RAB27B: variants seen among roughly 807,000 people sequenced by gnomAD.
The protein encoded by RAB27B is RAB27B, member RAS oncogene family.
RAB27B carries 15 observed loss-of-function variants against 24.6 expected under a neutral mutation model. That is an observed-to-expected ratio of 0.61 (90% CI 0.41 to 0.94). The LOEUF (loss-of-function observed/expected upper bound fraction) is 0.94. RAB27B is among the 40% of genes least tolerant of loss of function. RAB27B has a pLI of 0.00. For synonymous variants in RAB27B, 105 were observed against 92.5 expected (o/e 1.14, Z -0.78); for missense variants, 261 against 266.8 (o/e 0.98, Z 0.15).
intron 2 of RAB27B, among the ~76,000 whole-genome samples, chr18:54,730,893 A>C (rs762791249): frequency 1.2e-4 from 19 of 152,182 alleles, no homozygotes; most frequent in Non-Finnish European, 1.9e-4. Context: ...AACACACTAC[A>C]TGAGTTTGTT....
intron 2 of RAB27B, among the ~76,000 whole-genome samples, chr18:54,792,713 A>G (rs572059268): frequency 2.8e-4 from 43 of 151,182 alleles, no homozygotes; most frequent in Non-Finnish European, 5.8e-4. Context: ...AGTACCTAAC[A>G]GTCTCTGGTG....
At chr18:54,807,148 G>A (rs564917244) in intron 2 of RAB27B, among the ~76,000 whole-genome samples, 1 of 152,256 alleles carries the variant, frequency 6.6e-6, no homozygotes, top group South Asian at 2.1e-4. Context: ...ATCTGCCGGC[G>A]TTGGCCTCCC....
At chr18:54,827,725 C>T (rs575626584), upstream of RAB27B, among the ~76,000 whole-genome samples, 11 of 152,144 alleles carry the variant, frequency 7.2e-5, no homozygotes, top group Non-Finnish European at 1.3e-4. Flanking sequence ...AGGAGTAAAT[C>T]GGTTGTTATT....
At chr18:54,836,240 A>T (rs1910888740) in intron 1 of RAB27B, among the ~76,000 whole-genome samples, 1 of 151,906 alleles carries the variant, frequency 6.6e-6, no homozygotes, top group African/African-American at 2.4e-5. Context: ...TTTGAAGATG[A>T]ATTTCCCTCA....
At chr18:54,768,578 C>T (rs1352412805) in intron 2 of RAB27B, among the ~76,000 whole-genome samples, 3 of 152,084 alleles carry the variant, frequency 2.0e-5, no homozygotes, top group African/African-American at 7.2e-5. Context: ...ATCTAACTCT[C>T]ATGTTTTTCT....
chr18:54,780,611 T>C (rs1014118629), intron 2 of RAB27B, among the ~76,000 whole-genome samples: 5 of 152,186 alleles, frequency 3.3e-5, no homozygotes, highest in Admixed American at 1.3e-4. Flanking sequence ...AAGGACACCA[T>C]TCGTATTGGA....
chr18:54,857,206 A>C (rs1382812690), intron 1 of RAB27B, among the ~76,000 whole-genome samples: 1 of 152,092 alleles, frequency 6.6e-6, no homozygotes, highest in Non-Finnish European at 1.5e-5. Flanking sequence ...CCACCTGGGT[A>C]CTCTGTCAGA....
chr18:54,797,103 A>G (rs1473736906), intron 2 of RAB27B, among the ~76,000 whole-genome samples: 2 of 152,222 alleles, frequency 1.3e-5, no homozygotes, highest in Non-Finnish European at 2.9e-5. Context: ...GTCCTGTGTA[A>G]GTGGGTGCAA....
chr18:54,812,099 TTC>T (rs1158764443), intron 2 of RAB27B, among the ~76,000 whole-genome samples: 7 of 152,210 alleles, frequency 4.6e-5, no homozygotes, highest in African/African-American at 1.4e-4. Flanking sequence ...TGTTGTACCT[TTC>T]TCTTGCTATT....
chr18:54,814,979 T>TCAACCCC (rs1910077751), intron 2 of RAB27B, among the ~76,000 whole-genome samples: 2 of 152,170 alleles, frequency 1.3e-5, no homozygotes, highest in African/African-American at 4.8e-5. Flanking sequence ...AACCACCATC[T>TCAACCCC]CAACCCCCAA....
intron 2 of RAB27B, among the ~76,000 whole-genome samples, chr18:54,808,981 A>G (rs78137086): frequency 0.015 from 2,290 of 152,354 alleles, 20 homozygotes; most frequent in Non-Finnish European, 0.024. Flanking sequence ...GTGTCCACAG[A>G]AGAACTTTTC....
At chr18:54,796,422 A>T in intron 2 of RAB27B, among the ~76,000 whole-genome samples, 1 of 152,194 alleles carries the variant, frequency 6.6e-6, no homozygotes, top group East Asian at 1.9e-4. Context: ...TACCAGAAAA[A>T]TCGGATCACA....
intron 2 of RAB27B, among the ~76,000 whole-genome samples, chr18:54,745,846 T>TA (rs1910226162): frequency 7.4e-6 from 1 of 135,078 alleles, no homozygotes; most frequent in Admixed American, 8.0e-5. Context: ...TTATATATTA[T>TA]TATTTATAAT....
At chr18:54,840,437 T>C (rs1284312797) in intron 1 of RAB27B, among the ~76,000 whole-genome samples, 1 of 152,154 alleles carries the variant, frequency 6.6e-6, no homozygotes, top group Non-Finnish European at 1.5e-5. Flanking sequence ...AAATCCAAAG[T>C]CATGCCTAAT....
chr18:54,818,380 G>T (rs938835070), intron 2 of RAB27B, among the ~76,000 whole-genome samples: 1 of 152,036 alleles, frequency 6.6e-6, no homozygotes, highest in Non-Finnish European at 1.5e-5. Context: ...TTCTAAAATT[G>T]TGTTCCTTTC....
intron 2 of RAB27B, among the ~76,000 whole-genome samples, chr18:54,780,076 G>C (rs1408425389): frequency 1.1e-4 from 13 of 114,332 alleles, no homozygotes; most frequent in Non-Finnish European, 2.1e-4. Context: ...CTCCCTCACC[G>C]CGTCTCCGCC....
At chr18:54,832,094 C>A (rs1450562262) in intron 1 of RAB27B, among the ~76,000 whole-genome samples, 1 of 152,154 alleles carries the variant, frequency 6.6e-6, no homozygotes, top group African/African-American at 2.4e-5. Flanking sequence ...TTTAAAAGAT[C>A]ACTCTGGCTT....
intron 2 of RAB27B, among the ~76,000 whole-genome samples, chr18:54,753,006 G>A (rs939493679): frequency 2.0e-5 from 3 of 152,146 alleles, no homozygotes; most frequent in Admixed American, 6.5e-5. Flanking sequence ...TGGGTGACTA[G>A]ATGGAGGGCA....
chr18:54,881,030 ACATGGCC>A (rs1355052419), intron 3 of RAB27B, among the ~76,000 whole-genome samples: 1 of 152,154 alleles, frequency 6.6e-6, no homozygotes, highest in Non-Finnish European at 1.5e-5. Flanking sequence ...AAGAGAAAAC[ACATGGCC>A]CTTAAGGAAA....
Sources: allele counts gnomAD v4.1 joint callset (sites outside exome capture counted in the v4.1 genomes callset), GRCh38; gene constraint gnomAD v4.1.1; transcripts MANE v1.5; gene names NCBI Gene and HGNC (gene_info 2026-07-23, HGNC 2026-07-21).